Variants in XPNPEP1 observed in about 807,000 individuals in gnomAD.
XPNPEP1 encodes the protein X-prolyl aminopeptidase 1.
A neutral mutation model predicts 92.4 loss-of-function variants in XPNPEP1; 39 were observed. The ratio of observed to expected loss-of-function variants is 0.42; its 90% confidence interval spans 0.33 to 0.55. The LOEUF is 0.55. Among genes scored for constraint, XPNPEP1 ranks in the 20% least tolerant of loss-of-function variants. The probability of loss-of-function intolerance (pLI) is 0.08; values close to 1 mark genes in which losing one functional copy is unlikely to be tolerated. For synonymous variants in XPNPEP1, 307 were observed against 299.4 expected (o/e 1.03, Z -0.26); for missense variants, 654 against 856.1 (o/e 0.76, Z 2.95).
chr10:109,898,630 A>G (rs902003899), intron 3 of XPNPEP1, among the ~76,000 whole-genome samples: 1 of 152,364 alleles, frequency 6.6e-6, no homozygotes, highest in Non-Finnish European at 1.5e-5. Context: ...GCGACACCCA[A>G]TTAGCCTAAT....
intron 15 of XPNPEP1, among the ~76,000 whole-genome samples, chr10:109,874,712 G>A (rs1210548626): frequency 6.6e-6 from 1 of 152,222 alleles, no homozygotes; most frequent in Non-Finnish European, 1.5e-5. Flanking sequence ...CACTTTGGGA[G>A]GCCGAGACCG....
At position 109,923,439 on chromosome 10, in the gene XPNPEP1, G is replaced by A. The variant is rs1850675005; in HGVS notation, c.-6C>T. Reference sequence around the variant, plus strand: ...GGCTTTCTGGAGGCTGCCATTCGGCGGTGACGTGCCCCAGCCCACGTCAGG... The same window carrying A: ...GGCTTTCTGGAGGCTGCCATTCGGCAGTGACGTGCCCCAGCCCACGTCAGG... On this transcript the variant is annotated 5_prime_UTR_variant, in exon 1 of 21. Transcript: ENST00000502935. 7.0e-7 allele frequency: 1 copy of A among 1,438,630 alleles called. No individual in the cohort carries two copies. The highest frequency in any genetic ancestry group is 9.1e-7 in the Non-Finnish European group (1 of 1,095,228). The allele number at this position is 1,438,630 out of a possible 1,614,324, so 89.1% of individuals were successfully genotyped here.
At chr10:109,910,844 T>C (rs76162474) in intron 2 of XPNPEP1, among the ~76,000 whole-genome samples, 2,584 of 152,336 alleles carry the variant, frequency 0.017, 37 homozygotes, top group South Asian at 0.098. Context: ...GTCAAAAACA[T>C]TGTAACATAA....
At chr10:109,919,933 G>A (rs1181243692) in intron 1 of XPNPEP1, among the ~76,000 whole-genome samples, 2 of 152,154 alleles carry the variant, frequency 1.3e-5, no homozygotes, top group Admixed American at 6.5e-5. Context: ...TCAGGAGGCT[G>A]AGGCAGGAGA....
chr10:109,908,897 T>C (rs1407509199), intron 2 of XPNPEP1, among the ~76,000 whole-genome samples: 2 of 152,228 alleles, frequency 1.3e-5, no homozygotes, highest in Non-Finnish European at 2.9e-5. Flanking sequence ...TCTTATCTTC[T>C]AGTGAATACC....
At chr10:109,891,961 A>G (rs1848728756) in intron 4 of XPNPEP1, 135 bp from the exon 5 acceptor site, 3 of 722,416 alleles carry the variant, frequency 4.2e-6, no homozygotes, top group Non-Finnish European at 6.8e-6. Flanking sequence ...CCTTGACTCC[A>G]AAGAAACCTC....
chr10:109,886,980 T>C (rs1848426895), intron 7 of XPNPEP1, among the ~76,000 whole-genome samples: 1 of 152,120 alleles, frequency 6.6e-6, no homozygotes, highest in Non-Finnish European at 1.5e-5. Context: ...CTCTGCAAGA[T>C]GAAATCGTGG....
At chr10:109,916,627 C>T (rs1405392847) in intron 1 of XPNPEP1, among the ~76,000 whole-genome samples, 1 of 152,172 alleles carries the variant, frequency 6.6e-6, no homozygotes. Flanking sequence ...TTTAGTTTTA[C>T]TGGACAGAAT....
chr10:109,881,138 A>C lies in XPNPEP1; in HGVS notation c.1042-207T>G, dbSNP rs139910814. ...AGCTTAAGCTCAACCAAAAAGAGTA[A>C]GTACATCAAACAAGGTGTCTCTCTT... is the stretch of plus-strand genomic sequence containing the variant. On this transcript the variant is annotated intron_variant, in intron 10 of 20. Coordinates refer to ENST00000502935, the MANE Select transcript of XPNPEP1 (RefSeq NM_020383.4). Among the ~76,000 whole-genome samples, 7 of 152,326 alleles carry C rather than the reference A, an allele frequency of 4.6e-5. No individual in the cohort carries two copies. In the East Asian group the frequency reaches 1.4e-3, roughly 29 times the overall value.
chr10:109,903,349 C>A (rs77778892), intron 3 of XPNPEP1, among the ~76,000 whole-genome samples: 3 of 152,200 alleles, frequency 2.0e-5, no homozygotes, highest in Non-Finnish European at 2.9e-5. Context: ...GGCTCCATGA[C>A]GACCTGTGAG....
chr10:109,870,682 CAA>C, intron 18 of XPNPEP1, 47 bp downstream of exon 18: 1 of 1,541,986 alleles, frequency 6.5e-7, no homozygotes, highest in Non-Finnish European at 8.7e-7. Flanking sequence ...GAATAGCTTT[CAA>C]AAAGGCTCAA....
Position 109,882,526 on chromosome 10 carries a change from C to T in XPNPEP1, c.947G>A (p.Ser316Asn), listed in dbSNP as rs1343780807. Residue 316 changes from serine to asparagine, a missense_variant, in exon 10 of 21, where the codon AGC becomes AAC. Transcript: ENST00000502935. ...IQVHPYKSIL[S>N]ELKALCADLS... ...GTCAGCACACAGGGCCTTGAGCTCGCTCAGGATGGACTTGTAGGGATGCAC... is the reference window on the plus strand; with the variant it reads ...GTCAGCACACAGGGCCTTGAGCTCGTTCAGGATGGACTTGTAGGGATGCAC... The T allele has an allele frequency of 1.2e-6, 2 of 1,614,218 alleles. No homozygotes were observed. The highest frequency in any genetic ancestry group is 4.5e-5 in the East Asian group (2 of 44,886).
intron 1 of XPNPEP1, among the ~76,000 whole-genome samples, chr10:109,916,186 C>A (rs1850179179): frequency 6.6e-6 from 1 of 152,108 alleles, no homozygotes; most frequent in Non-Finnish European, 1.5e-5. Context: ...TATGGGGTAG[C>A]CAGGGACAGC....
Position 109,914,498 on chromosome 10 carries a change from T to TA in XPNPEP1, c.121+512dup, listed in dbSNP as rs1240987282. ...GTTGTAATTCTCTAACTTACTACCT[T>TA]AAAAAAAAATGGTAATGGCCAGGCG... is the stretch of plus-strand genomic sequence containing the variant. On this transcript the variant is annotated intron_variant, in intron 2 of 20. Coordinates refer to ENST00000502935, the MANE Select transcript of XPNPEP1 (RefSeq NM_020383.4). Among the ~76,000 whole-genome samples, 9 of 150,834 alleles carry TA rather than the reference T, an allele frequency of 6.0e-5. No homozygotes were observed. In the South Asian group the frequency reaches 1.5e-3, roughly 25 times the overall value.
chr10:109,868,123 G>A (rs1348580719), intron 20 of XPNPEP1, among the ~76,000 whole-genome samples: 1 of 152,150 alleles, frequency 6.6e-6, no homozygotes, highest in Non-Finnish European at 1.5e-5. Context: ...AGAAGGGCTG[G>A]TACTATCTTT....
chr10:109,900,993 T>C (rs1176309098), intron 3 of XPNPEP1, among the ~76,000 whole-genome samples: 2 of 152,156 alleles, frequency 1.3e-5, no homozygotes, highest in Non-Finnish European at 2.9e-5. Context: ...CATATGTTTA[T>C]TGCGGCACTA....
chr10:109,865,235 T>C lies in XPNPEP1; in HGVS notation c.1950A>G (p.Glu650=), dbSNP rs773834553. 2 of 1,614,212 alleles carry C rather than the reference T, an allele frequency of 1.2e-6. No individual in the cohort carries two copies. The highest frequency in any genetic ancestry group is 2.7e-5 in the African/African-American group (2 of 75,048). ...GKELQKQGRQ[E]ALEWLIRETQ... ...TCTCTCTGATGAGCCACTCGAGAGC[T>C]TCCTGGCGGCCCTGTTTCTGCAATT... Residue 650 remains glutamate, a synonymous_variant, in exon 21 of 21, where the codon GAA becomes GAG. Coordinates refer to ENST00000502935, the MANE Select transcript of XPNPEP1 (RefSeq NM_020383.4).
intron 14 of XPNPEP1, chr10:109,875,922 C>T (rs762373775): frequency 8.5e-5 from 21 of 247,358 alleles, no homozygotes; most frequent in Non-Finnish European, 1.3e-4. Context: ...AAAATGAGAA[C>T]GATTAGATGC....
chr10:109,883,245 A>G (rs763440946), intron 9 of XPNPEP1, among the ~76,000 whole-genome samples: 9 of 151,834 alleles, frequency 5.9e-5, no homozygotes, highest in Non-Finnish European at 1.0e-4. Context: ...CTCCACATGC[A>G]CTGTGCTCTC....
Sources: allele counts gnomAD v4.1 joint callset (sites outside exome capture counted in the v4.1 genomes callset), GRCh38; gene constraint gnomAD v4.1.1; transcripts MANE v1.5; gene names NCBI Gene and HGNC (gene_info 2026-07-23, HGNC 2026-07-21).